MYH10: variants seen among roughly 807,000 people sequenced by gnomAD.
MYH10 encodes the protein myosin-10.
A neutral mutation model predicts 257.8 loss-of-function variants in MYH10; 55 were observed. The observed-to-expected ratio is 0.21, with a 90% CI of 0.17 to 0.27. The LOEUF is 0.27. Among genes scored for constraint, MYH10 ranks in the 10% least tolerant of loss-of-function variants. The pLI is 1.00. For synonymous variants in MYH10, 854 were observed against 921.7 expected (o/e 0.93, Z 1.33); for missense variants, 1,631 against 2,500.6 (o/e 0.65, Z 7.42).
intron 32 of MYH10, among the ~76,000 whole-genome samples, chr17:8,493,511 T>C (rs958046110): frequency 9.9e-5 from 15 of 152,222 alleles, no homozygotes; most frequent in African/African-American, 2.4e-4. Context: ...GATGACTGGA[T>C]TGAAATCTTA....
intron 19 of MYH10, 51 bp from the exon 20 acceptor site, chr17:8,519,001 G>A (rs369102927): frequency 1.4e-6 from 2 of 1,392,428 alleles, no homozygotes; most frequent in Non-Finnish European, 2.0e-6. Context: ...TGAACGATGT[G>A]TATCTACTAA....
At chr17:8,523,713 C>T (rs2081737075) in intron 17 of MYH10, among the ~76,000 whole-genome samples, 1 of 152,002 alleles carries the variant, frequency 6.6e-6, no homozygotes, top group Non-Finnish European at 1.5e-5. Context: ...AGGGTCTAGG[C>T]GATGAGGGCA....
At chr17:8,563,896 A>T (rs1240663219) in intron 7 of MYH10, among the ~76,000 whole-genome samples, 1 of 152,010 alleles carries the variant, frequency 6.6e-6, no homozygotes. Flanking sequence ...ACTTGGAAAA[A>T]AAAAAAAAAA....
At chr17:8,527,601 G>A (rs932559332) in intron 17 of MYH10, among the ~76,000 whole-genome samples, 5 of 152,210 alleles carry the variant, frequency 3.3e-5, no homozygotes, top group African/African-American at 1.2e-4. Context: ...AACATTTATC[G>A]GGTTTCTCTG....
At chr17:8,480,549 C>G (rs377009065) in intron 38 of MYH10, 24 bp from the exon 39 acceptor site, 4 of 1,601,442 alleles carry the variant, frequency 2.5e-6, no homozygotes, top group Non-Finnish European at 3.4e-6. Context: ...GAGGAGGGGA[C>G]GGTTCAATCC....
intron 3 of MYH10, among the ~76,000 whole-genome samples, chr17:8,599,588 GCTC>G (rs570901461): frequency 2.8e-4 from 43 of 152,250 alleles, no homozygotes; most frequent in African/African-American, 9.4e-4. Context: ...ATTTTCACAA[GCTC>G]CTGCCAGCAA....
Position 8,480,266 on chromosome 17 carries a change from C to T in MYH10, c.5441G>A (p.Ser1814Asn). Residue 1814 changes from serine (S) to asparagine (N), a missense_variant, in exon 40 of 43, where the codon AGT becomes AAT. By Grantham distance (46) the Ser-to-Asn change is conservative. This residue lies in a region of MYH10 where 343 missense variants were observed against 389.5 expected (regional missense o/e 0.88). Transcript: ENST00000360416. The stretch of plus-strand genomic sequence containing the variant: ...CTCCAGTTGCTGGCGTGCATTGTCA[C>T]TCTTCTGGGCGGCGCTGCGCTCGGC... ...LAAERSAAQKSDNARQQLERQ... is the reference protein window; with the variant it reads ...LAAERSAAQKNDNARQQLERQ... The T allele has an allele frequency of 1.2e-6, 2 of 1,614,138 alleles. No individual in the cohort carries two copies. The highest frequency in any genetic ancestry group is 1.7e-6 in the Non-Finnish European group (2 of 1,180,042).
intron 4 of MYH10, among the ~76,000 whole-genome samples, chr17:8,581,639 G>GGAGC (rs1304909144): frequency 6.6e-6 from 1 of 152,104 alleles, no homozygotes. Flanking sequence ...CTCCCAAGAG[G>GGAGC]ATAGATTATG....
intron 36 of MYH10, among the ~76,000 whole-genome samples, chr17:8,486,923 G>A (rs973034705): frequency 3.9e-5 from 6 of 152,118 alleles, no homozygotes; most frequent in Admixed American, 1.3e-4. Flanking sequence ...CAAGGTCAAA[G>A]GAAAAGTTTT....
intron 30 of MYH10, 80 bp downstream of exon 30, chr17:8,499,190 C>T (rs768420038): frequency 8.6e-5 from 124 of 1,434,282 alleles, no homozygotes; most frequent in South Asian, 1.5e-4. Context: ...CCATGGGTCT[C>T]TTATTGCACA....
At chr17:8,554,181 C>T (rs1386502450) in intron 7 of MYH10, 163 bp from the exon 8 acceptor site, 2 of 447,364 alleles carry the variant, frequency 4.5e-6, no homozygotes, top group Admixed American at 3.9e-5. Flanking sequence ...GGCTGTGATA[C>T]ATTTCAAAAA....
At chr17:8,592,580 C>G (rs1437405922) in intron 3 of MYH10, among the ~76,000 whole-genome samples, 1 of 151,582 alleles carries the variant, frequency 6.6e-6, no homozygotes, top group Non-Finnish European at 1.5e-5. Context: ...AAAGACACAA[C>G]CACTAAAACT....
intron 3 of MYH10, among the ~76,000 whole-genome samples, chr17:8,596,198 G>A (rs571819962): frequency 2.0e-5 from 3 of 147,814 alleles, no homozygotes; most frequent in African/African-American, 7.5e-5. Flanking sequence ...TGTTACCCAA[G>A]CTGGAGTGCA....
In MYH10 at chr17:8,500,255, A is replaced by G. The variant is rs186765879; in HGVS notation, c.3744+571T>C. Among the ~76,000 whole-genome samples, 25 of 152,342 alleles carry G rather than the reference A, an allele frequency of 1.6e-4. No homozygotes were observed. In the East Asian group the frequency reaches 4.4e-3, roughly 27 times the overall value. ...CACAAAGGCAAGGATGATTATGGGA[A>G]GTCATGGAGGCCAGTCTGCACAGGA... On this transcript the variant is annotated intron_variant, in intron 29 of 42. Coordinates refer to ENST00000360416, the MANE Select transcript of MYH10 (RefSeq NM_001256012.3).
intron 38 of MYH10, 31 bp from the exon 39 acceptor site, chr17:8,480,556 A>T: frequency 6.2e-7 from 1 of 1,600,852 alleles, no homozygotes; most frequent in Non-Finnish European, 8.5e-7. Flanking sequence ...GGACGGTTCA[A>T]TCCCAGCTCA....
At chr17:8,521,327 A>C in intron 17 of MYH10, 42 bp from the exon 18 acceptor site, 2 of 1,582,522 alleles carry the variant, frequency 1.3e-6, no homozygotes, top group Non-Finnish European at 1.7e-6. Context: ...GCCAAACCTC[A>C]CTCGTTAGCA....
At chr17:8,573,766 A>G (rs2083420030) in intron 6 of MYH10, 1 of 759,530 alleles carries the variant, frequency 1.3e-6, no homozygotes, top group African/African-American at 1.9e-5. Context: ...CAAGTTAAGT[A>G]TTGTCACTTT....
In MYH10 at chr17:8,546,556, C is replaced by T. The variant is rs2082450494; in HGVS notation, c.1266G>A (p.Gln422=). The change falls in exon 12 of 43, where the codon CAG becomes CAA. Residue 422 remains glutamine (Q), a synonymous_variant. Coordinates refer to ENST00000360416, the MANE Select transcript of MYH10 (RefSeq NM_001256012.3). ...KVGRDYVQKA[Q]TKEQADFAVE... is the part of the protein sequence containing the mutation. ...ACATGAAACCTACCTGTTCTTTGGT[C>T]TGGGCTTTTTGCACATAGTCTCGGC... 5.0e-6 allele frequency: 8 copies of T among 1,613,698 alleles called. No homozygotes were observed. The highest frequency in any genetic ancestry group is 5.9e-6 in the Non-Finnish European group (7 of 1,179,790).
At chr17:8,530,040 A>T (rs1294013538) in intron 17 of MYH10, among the ~76,000 whole-genome samples, 1 of 152,212 alleles carries the variant, frequency 6.6e-6, no homozygotes, top group Non-Finnish European at 1.5e-5. Flanking sequence ...GGCCTTGTAG[A>T]TAGTTTCAGG....
Sources: allele counts gnomAD v4.1 joint callset (sites outside exome capture counted in the v4.1 genomes callset), GRCh38; gene constraint gnomAD v4.1.1; regional missense constraint gnomAD v4.1.1; transcripts MANE v1.5; gene names NCBI Gene and HGNC (gene_info 2026-07-23, HGNC 2026-07-21).